Variants in PPP3R1 observed in about 807,000 individuals in gnomAD.
The protein encoded by PPP3R1 is protein phosphatase 3 regulatory subunit B, alpha.
In PPP3R1, 5 loss-of-function variants were observed where a neutral mutation model predicts 22.6. That is an observed-to-expected ratio of 0.22 (90% CI 0.12 to 0.46). The LOEUF is 0.46. Ranked by LOEUF, PPP3R1 falls within the 20% of genes least tolerant of loss-of-function variation. PPP3R1 has a pLI of 0.99. For missense variants in PPP3R1, 61 were observed against 203.2 expected, an observed-to-expected ratio of 0.30 and a Z score of 4.25; for synonymous variants, 56 against 65.2, an observed-to-expected ratio of 0.86 and a Z score of 0.68.
rs532212091 is a variant in PPP3R1 at position 68,220,151 on chromosome 2, G to C, written c.4-3020C>G. On this transcript the variant is annotated intron_variant, in intron 1 of 5. Transcript: ENST00000234310. ...TCTATGTCCCAGCTTACTGTCTGGA[G>C]AAAGTTTCCAGGTTGCAGCACAGGA... 2.0e-5 allele frequency among the ~76,000 whole-genome samples: 3 copies of C among 152,308 alleles called. No individual in the cohort carries two copies. In the South Asian group the frequency reaches 6.2e-4, roughly 32 times the overall value.
intron 1 of PPP3R1, among the ~76,000 whole-genome samples, chr2:68,240,609 C>T (rs777491313): frequency 6.6e-6 from 1 of 152,148 alleles, no homozygotes; most frequent in Admixed American, 6.5e-5. Context: ...GAGTGTATGG[C>T]TCCCCCTTAG....
intron 1 of PPP3R1, among the ~76,000 whole-genome samples, chr2:68,228,466 T>C (rs1189176546): frequency 6.6e-6 from 1 of 152,180 alleles, no homozygotes; most frequent in East Asian, 1.9e-4. Flanking sequence ...AATTTATGTA[T>C]ATAAAATTGG....
chr2:68,236,978 G>A (rs1670031610), intron 1 of PPP3R1, among the ~76,000 whole-genome samples: 1 of 152,186 alleles, frequency 6.6e-6, no homozygotes, highest in Non-Finnish European at 1.5e-5. Context: ...ATGCAGAGGA[G>A]CTTTAAAGTA....
intron 1 of PPP3R1, among the ~76,000 whole-genome samples, chr2:68,241,152 A>C (rs1670122587): frequency 6.6e-6 from 1 of 151,544 alleles, no homozygotes; most frequent in African/African-American, 2.4e-5. Context: ...AACTCCACAG[A>C]TGCTCAAGTC....
intron 2 of PPP3R1, among the ~76,000 whole-genome samples, chr2:68,215,086 C>A (rs1669553841): frequency 6.6e-6 from 1 of 152,024 alleles, no homozygotes; most frequent in Admixed American, 6.6e-5. Flanking sequence ...ACAACAAGAA[C>A]ACATGGACAC....
intron 2 of PPP3R1, among the ~76,000 whole-genome samples, chr2:68,200,398 T>C (rs1000922091): frequency 4.6e-5 from 7 of 152,150 alleles, no homozygotes; most frequent in Admixed American, 2.6e-4. Context: ...CCCAATGGCG[T>C]CCAAAGATGT....
intron 1 of PPP3R1, among the ~76,000 whole-genome samples, chr2:68,229,316 G>T (rs1669843938): frequency 1.3e-5 from 2 of 152,012 alleles, no homozygotes; most frequent in African/African-American, 4.8e-5. Flanking sequence ...CCCAAATGAG[G>T]TTTACTTTTA....
intron 2 of PPP3R1, among the ~76,000 whole-genome samples, chr2:68,195,623 G>A (rs61434108): frequency 0.035 from 5,366 of 152,092 alleles, 357 homozygotes; most frequent in African/African-American, 0.12. Flanking sequence ...ATTTATTACC[G>A]TGGTATTTGC....
At chr2:68,190,407 A>G (rs1674639363) in intron 2 of PPP3R1, among the ~76,000 whole-genome samples, 1 of 152,068 alleles carries the variant, frequency 6.6e-6, no homozygotes, top group African/African-American at 2.4e-5. Flanking sequence ...TCCACTAAAA[A>G]TACAAAAATT....
intron 2 of PPP3R1, among the ~76,000 whole-genome samples, chr2:68,203,703 G>T (rs1462986089): frequency 2.0e-5 from 3 of 152,010 alleles, no homozygotes; most frequent in African/African-American, 7.2e-5. Context: ...TCCCTGAGAC[G>T]AATGTGATTA....
intron 1 of PPP3R1, among the ~76,000 whole-genome samples, chr2:68,230,011 C>CACACACACACACACACACAT (rs1421392496): frequency 2.5e-4 from 35 of 139,652 alleles, no homozygotes; most frequent in African/African-American, 8.2e-4. Context: ...CACACACACA[C>CACACACACACACACACACAT]ATATATATTT....
chr2:68,236,272 G>A (rs1368090807), intron 1 of PPP3R1, among the ~76,000 whole-genome samples: 1 of 151,984 alleles, frequency 6.6e-6, no homozygotes, highest in African/African-American at 2.4e-5. Flanking sequence ...AGTTTTATTG[G>A]CATACTGCCA....
intron 1 of PPP3R1, among the ~76,000 whole-genome samples, chr2:68,247,865 TTC>T (rs1670265517): frequency 1.3e-5 from 2 of 152,226 alleles, no homozygotes; most frequent in African/African-American, 2.4e-5. Flanking sequence ...TTTCACATCC[TTC>T]TGTCTCATAT....
chr2:68,243,293 T>G (rs12465425), intron 1 of PPP3R1, among the ~76,000 whole-genome samples: 44,603 of 152,012 alleles, frequency 0.29, 7,771 homozygotes, highest in South Asian at 0.54. Context: ...ATCAAAATGT[T>G]ATTCCTGCGC....
intron 1 of PPP3R1, among the ~76,000 whole-genome samples, chr2:68,239,852 A>C (rs1042207335): frequency 2.1e-4 from 32 of 152,216 alleles, no homozygotes; most frequent in African/African-American, 7.5e-4. Context: ...TCAGTAAACC[A>C]AATGAAAACC....
At chr2:68,241,084 T>A (rs1337584688) in intron 1 of PPP3R1, among the ~76,000 whole-genome samples, 1 of 152,116 alleles carries the variant, frequency 6.6e-6, no homozygotes, top group Non-Finnish European at 1.5e-5. Context: ...TCTACAGTGG[T>A]CCCTCAGTAT....
At chr2:68,249,175 C>T (rs1670290599) in intron 1 of PPP3R1, among the ~76,000 whole-genome samples, 1 of 152,206 alleles carries the variant, frequency 6.6e-6, no homozygotes, top group Non-Finnish European at 1.5e-5. Flanking sequence ...CTGACTGACC[C>T]TTAGTCAGCT....
At chr2:68,198,756 T>C (rs186047355) in intron 2 of PPP3R1, among the ~76,000 whole-genome samples, 3 of 152,334 alleles carry the variant, frequency 2.0e-5, no homozygotes, top group Admixed American at 6.5e-5. Context: ...GAGGAAGCTA[T>C]AGATAAGTCT....
intron 1 of PPP3R1, among the ~76,000 whole-genome samples, chr2:68,221,898 T>C (rs917589333): frequency 6.6e-6 from 1 of 151,420 alleles, no homozygotes; most frequent in African/African-American, 2.4e-5. Flanking sequence ...TCAAATATTA[T>C]GGCAAATGCT....
Sources: gnomAD v4.1 joint callset for allele counts (sites outside exome capture counted in the v4.1 genomes callset) on GRCh38, gnomAD v4.1.1 for gene constraint, MANE v1.5 for transcripts, NCBI Gene and HGNC (gene_info 2026-07-23, HGNC 2026-07-21) for gene names.